The following KRTAP1-4 variants were observed in gnomAD, a reference collection of about 807,000 sequenced individuals.
KRTAP1-4 encodes the protein keratin associated protein 1-4, also known as keratin-associated protein 1-4.
KRTAP1-4 carries 5 observed loss-of-function variants against 8.6 expected under a neutral mutation model. The ratio of observed to expected loss-of-function variants is 0.58; its 90% confidence interval spans 0.30 to 1.23. The LOEUF is 1.23. Ranked by LOEUF, KRTAP1-4 falls within the 50% of genes most tolerant of loss-of-function variation. KRTAP1-4 has a pLI of 0.07. For missense variants in KRTAP1-4, 157 were observed against 160.7 expected, an observed-to-expected ratio of 0.98 and a Z score of 0.12; for synonymous variants, 50 against 58.9, an observed-to-expected ratio of 0.85 and a Z score of 0.69.
In KRTAP1-4 at chr17:41,029,823, A is replaced by G; in HGVS notation, c.256T>C (p.Ser86Pro). The G allele has an allele frequency of 1.2e-6, 2 of 1,611,552 alleles. No individual in the cohort carries two copies. Among genetic ancestry groups the G allele is most frequent in the Non-Finnish European group, 1.7e-6 (2 of 1,179,332 alleles). The part of the protein sequence containing the change: ...PCYLVSCTPP[S>P]CCQLHHAEAS... ...TCGGCGTGGTGCAGCTGGCAGCAGG[A>G]TGGGGGTGTGCAGCTTACCAGGTAG... The change falls in exon 1 of 1, where the codon TCC becomes CCC. Residue 86 changes from serine (S) to proline (P), a missense_variant. Ser to Pro is a moderately conservative substitution (Grantham distance 74). Coordinates refer to ENST00000377747, the MANE Select transcript of KRTAP1-4 (RefSeq NM_001257305.2).
rs2012400155 is a variant in KRTAP1-4 at position 41,029,426 on chromosome 17, G to A, written c.*287C>T. Among the ~76,000 whole-genome samples, 1 of 152,232 alleles carries A rather than the reference G, an allele frequency of 6.6e-6. No homozygotes were observed. Among genetic ancestry groups the A allele is most frequent in the Admixed American group, 6.5e-5 (1 of 15,286 alleles). ...GGAAAAACCAGGTCTGAAGATGCAT[G>A]AGCATCAAGAGAGAGTTGGGGGAGC... On this transcript the variant is annotated 3_prime_UTR_variant, in exon 1 of 1. Transcript: ENST00000377747.
In KRTAP1-4 at chr17:41,029,838, T is replaced by C. The variant is rs762200537; in HGVS notation, c.241A>G (p.Ser81Gly). The change falls in exon 1 of 1, where the codon AGC (serine) becomes GGC (glycine). Residue 81 changes from serine to glycine, a missense_variant. Transcript: ENST00000377747. ...TGGCAGCAGGATGGGGGTGTGCAGC[T>C]TACCAGGTAGCAGGGGGGCAGGCAG... is the stretch of plus-strand genomic sequence containing the variant. Reference protein sequence around the residue: ...GTCLPPCYLVSCTPPSCCQLH... With the variant: ...GTCLPPCYLVGCTPPSCCQLH... 45 of 1,610,864 alleles carry C rather than the reference T, an allele frequency of 2.8e-5. No individual in the cohort carries two copies. The highest frequency in any genetic ancestry group is 3.8e-5 in the Non-Finnish European group (45 of 1,179,056).
rs997546483 is a variant in KRTAP1-4, at chr17:41,030,054, T to A, written c.25A>T (p.Thr9Ser). Residue 9 changes from threonine to serine, a missense_variant, in exon 1 of 1, where the codon ACC becomes TCC. Thr to Ser is a moderately conservative substitution (Grantham distance 58). Coordinates refer to ENST00000377747, the MANE Select transcript of KRTAP1-4 (RefSeq NM_001257305.2). ...GGCTGGCAGCAGCTGGAGCCACAGG[T>A]CCCACTGGTGGAACAGCTGGCCATG... MASCSTSG[T>S]CGSSCCQPSC... The A allele has an allele frequency of 6.9e-6, 11 of 1,602,480 alleles. No homozygotes were observed. The Admixed American group carries it at 8.6e-5, about 13-fold the overall frequency.
In KRTAP1-4 at chr17:41,029,618, A is replaced by G; in HGVS notation, c.*95T>C. 6.9e-7 allele frequency: 1 copy of G among 1,439,776 alleles called. No individual in the cohort carries two copies. The highest frequency in any genetic ancestry group is 9.2e-7 in the Non-Finnish European group (1 of 1,089,132). 89.2% of individuals were successfully genotyped at this position (1,439,776 alleles called of 1,614,324 possible). ...CTGAGCAGCTTAACAACATCATGGT[A>G]CTTAGCATCCAAGTAAAATCGAACA... On this transcript the variant is annotated 3_prime_UTR_variant, in exon 1 of 1. Transcript: ENST00000377747.
In KRTAP1-4 at chr17:41,029,851, G is replaced by C. The variant is rs1185210325; in HGVS notation, c.228C>G (p.Pro76=). Residue 76 remains proline (P), a synonymous_variant, in exon 1 of 1, where the codon CCC becomes CCG. Transcript: ENST00000377747. ...GGGGTGTGCAGCTTACCAGGTAGCAGGGGGGCAGGCAGGTGCCCTCCACGT... is the reference window on the plus strand; with the variant it reads ...GGGGTGTGCAGCTTACCAGGTAGCACGGGGGCAGGCAGGTGCCCTCCACGT... ...DCHVEGTCLP[P]CYLVSCTPPS... The C allele has an allele frequency of 2.5e-6, 4 of 1,609,604 alleles. 1 individual carries two copies. In the South Asian group the frequency reaches 4.4e-5, roughly 18 times the overall value.
At position 41,029,661 on chromosome 17, in the gene KRTAP1-4, A is replaced by C; in HGVS notation, c.*52T>G. 1.4e-6 allele frequency: 2 copies of C among 1,479,350 alleles called. No homozygotes were observed. The highest frequency in any genetic ancestry group is 1.8e-6 in the Non-Finnish European group (2 of 1,114,166). 91.6% of individuals were successfully genotyped at this position (1,479,350 alleles called of 1,614,324 possible). On this transcript the variant is annotated 3_prime_UTR_variant, in exon 1 of 1. Coordinates refer to ENST00000377747, the MANE Select transcript of KRTAP1-4 (RefSeq NM_001257305.2). ...ATCGAACAGTTCTTCAGAAATCAGC[A>C]CAATTTTGCTGTGCTTCCCCTTTCA... is the stretch of plus-strand genomic sequence containing the variant.
At position 41,029,510 on chromosome 17, in the gene KRTAP1-4, G is replaced by A. The variant is rs142906765; in HGVS notation, c.*203C>T. On this transcript the variant is annotated 3_prime_UTR_variant, in exon 1 of 1. Coordinates refer to ENST00000377747, the MANE Select transcript of KRTAP1-4 (RefSeq NM_001257305.2). The stretch of plus-strand genomic sequence containing the variant: ...CTGGTCCTCTGCTCAAGCAACGCAA[G>A]CTATCCAGAACACTGATTGATACAT... 1.3e-5 allele frequency among the ~76,000 whole-genome samples: 2 copies of A among 152,356 alleles called. No individual in the cohort carries two copies. The highest frequency in any genetic ancestry group is 4.8e-5 in the African/African-American group (2 of 41,584).
chr17:41,030,064 G>A lies in KRTAP1-4; in HGVS notation c.15C>T (p.Ser5=). 6.3e-7 allele frequency: 1 copy of A among 1,595,462 alleles called. No individual in the cohort carries two copies. The highest frequency in any genetic ancestry group is 8.5e-7 in the Non-Finnish European group (1 of 1,170,770). ...AGCTGGAGCCACAGGTCCCACTGGT[G>A]GAACAGCTGGCCATGGTGTCAGGAG... MASC[S]TSGTCGSSCC... is the part of the protein sequence containing the mutation. The change falls in exon 1 of 1, where the codon TCC becomes TCT. Residue 5 remains serine (S), a synonymous_variant. Transcript: ENST00000377747.
rs16968916 is a variant in KRTAP1-4, at chr17:41,029,613, A to G, written c.*100T>C. ...TATCTCTGAGCAGCTTAACAACATCATGGTACTTAGCATCCAAGTAAAATC... is the reference window on the plus strand; with the variant it reads ...TATCTCTGAGCAGCTTAACAACATCGTGGTACTTAGCATCCAAGTAAAATC... On this transcript the variant is annotated 3_prime_UTR_variant, in exon 1 of 1. Coordinates refer to ENST00000377747, the MANE Select transcript of KRTAP1-4 (RefSeq NM_001257305.2). 35 of 1,436,958 alleles carry G rather than the reference A, an allele frequency of 2.4e-5. No homozygotes were observed. Among genetic ancestry groups the G allele is most frequent in the Non-Finnish European group, 3.1e-5 (34 of 1,087,192 alleles). The allele number at this position is 1,436,958 out of a possible 1,614,324, so 89.0% of individuals were successfully genotyped here.
rs1266755051 is a variant in KRTAP1-4, at chr17:41,029,647, C to A, written c.*66G>T. ...AGCATCCAAGTAAAATCGAACAGTTCTTCAGAAATCAGCACAATTTTGCTG... is the reference window on the plus strand; with the variant it reads ...AGCATCCAAGTAAAATCGAACAGTTATTCAGAAATCAGCACAATTTTGCTG... On this transcript the variant is annotated 3_prime_UTR_variant, in exon 1 of 1. Coordinates refer to ENST00000377747, the MANE Select transcript of KRTAP1-4 (RefSeq NM_001257305.2). The A allele has an allele frequency of 5.5e-6, 8 of 1,464,954 alleles. No homozygotes were observed. Among genetic ancestry groups the A allele is most frequent in the Non-Finnish European group, 7.2e-6 (8 of 1,106,456 alleles). The allele number at this position is 1,464,954 out of a possible 1,614,324, so 90.7% of individuals were successfully genotyped here.
In KRTAP1-4 at chr17:41,029,665, T is replaced by C. The variant is rs1285687629; in HGVS notation, c.*48A>G. 1.3e-6 allele frequency: 2 copies of C among 1,484,680 alleles called. No homozygotes were observed. The highest frequency in any genetic ancestry group is 1.8e-6 in the Non-Finnish European group (2 of 1,117,018). 92.0% of individuals were successfully genotyped at this position (1,484,680 alleles called of 1,614,324 possible). On this transcript the variant is annotated 3_prime_UTR_variant, in exon 1 of 1. Transcript: ENST00000377747. ...AACAGTTCTTCAGAAATCAGCACAATTTTGCTGTGCTTCCCCTTTCATTCT... is the reference window on the plus strand; with the variant it reads ...AACAGTTCTTCAGAAATCAGCACAACTTTGCTGTGCTTCCCCTTTCATTCT...
Position 41,029,739 on chromosome 17 carries a change from A to AGCAGCAGGCTGGGCG in KRTAP1-4, c.325_339dup (p.Arg109_Cys113dup), listed in dbSNP as rs2012407276. On this transcript the variant is annotated inframe_insertion, in exon 1 of 1. Coordinates refer to ENST00000377747, the MANE Select transcript of KRTAP1-4 (RefSeq NM_001257305.2). ...TAGCAGGTGGGCTCACAGCAGTGGC[A>AGCAGCAGGCTGGGCG]GCAGCAGGCTGGGCGGCAGCAGGAC... 6.4e-7 allele frequency: 1 copy of AGCAGCAGGCTGGGCG among 1,568,348 alleles called. No homozygotes were observed. Among genetic ancestry groups the AGCAGCAGGCTGGGCG allele is most frequent in the Non-Finnish European group, 8.7e-7 (1 of 1,154,992 alleles).
chr17:41,030,155 G>C lies in KRTAP1-4; in HGVS notation c.-77C>G. ...GCTGTACCTTCTATATCTGTCCTTTGATATGTTCCCTAGAGCTGCATATTT... is the reference window on the plus strand; with the variant it reads ...GCTGTACCTTCTATATCTGTCCTTTCATATGTTCCCTAGAGCTGCATATTT... On this transcript the variant is annotated 5_prime_UTR_variant, in exon 1 of 1. In the 5' UTR this introduces an upstream ATG that the reference lacks. Transcript: ENST00000377747. The C allele has an allele frequency of 6.5e-7, 1 of 1,531,458 alleles. No individual in the cohort carries two copies. Among genetic ancestry groups the C allele is most frequent in the South Asian group, 1.2e-5 (1 of 81,894 alleles). The allele number at this position is 1,531,458 out of a possible 1,614,324, so 94.9% of individuals were successfully genotyped here.
At position 41,029,597 on chromosome 17, in the gene KRTAP1-4, G is replaced by T; in HGVS notation, c.*116C>A. 7.2e-7 allele frequency: 1 copy of T among 1,395,588 alleles called. No individual in the cohort carries two copies. Among genetic ancestry groups the T allele is most frequent in the South Asian group, 1.6e-5 (1 of 64,012 alleles). 86.5% of individuals were successfully genotyped at this position (1,395,588 alleles called of 1,614,324 possible). ...TAACTAGGAGTTTCATTATCTCTGA[G>T]CAGCTTAACAACATCATGGTACTTA... On this transcript the variant is annotated 3_prime_UTR_variant, in exon 1 of 1. Transcript: ENST00000377747.
Position 41,030,111 on chromosome 17 carries a change from G to T in KRTAP1-4, c.-33C>A. 1 of 1,559,284 alleles carries T rather than the reference G, an allele frequency of 6.4e-7. No individual in the cohort carries two copies. Among genetic ancestry groups the T allele is most frequent in the South Asian group, 1.2e-5 (1 of 84,756 alleles). On this transcript the variant is annotated 5_prime_UTR_variant, in exon 1 of 1. Coordinates refer to ENST00000377747, the MANE Select transcript of KRTAP1-4 (RefSeq NM_001257305.2). The stretch of plus-strand genomic sequence containing the variant: ...GGAGTTGGGTTGAGAGCTGTGTTAA[G>T]AGAGGTTTCTGAGTTTGGGCTGTAC...
Position 41,029,714 on chromosome 17 carries a change from TAGCAGGTGGGCTCACAGCAGTGGC to T in KRTAP1-4, c.341_364del (p.Cys114_Cys121del), listed in dbSNP as rs1346912162. 6 of 1,535,822 alleles carry T rather than the reference TAGCAGGTGGGCTCACAGCAGTGGC, an allele frequency of 3.9e-6. No individual in the cohort carries two copies. Among genetic ancestry groups the T allele is most frequent in the Non-Finnish European group, 4.4e-6 (5 of 1,140,986 alleles). ...CTTAAGCGATCAGCAACCTGGCTTT[TAGCAGGTGGGCTCACAGCAGTGGC>T]AGCAGCAGGCTGGGCGGCAGCAGGA... On this transcript the variant is annotated inframe_deletion, in exon 1 of 1. Coordinates refer to ENST00000377747, the MANE Select transcript of KRTAP1-4 (RefSeq NM_001257305.2).
Position 41,030,001 on chromosome 17 carries a change from C to A in KRTAP1-4, c.78G>T (p.Gln26His). Residue 26 changes from glutamine (Q) to histidine (H), a missense_variant, in exon 1 of 1, where the codon CAG becomes CAT. By Grantham distance (24) the Gln-to-His change is conservative. Coordinates refer to ENST00000377747, the MANE Select transcript of KRTAP1-4 (RefSeq NM_001257305.2). Reference protein sequence around the residue: ...QPSCCETSCCQPSCCQTSSCG... With the variant: ...QPSCCETSCCHPSCCQTSSCG... Reference sequence around the variant, plus strand: ...AGGAGCTGGTCTGGCAGCAGCTTGGCTGGCAGCAGCTAGTTTCACAGCAGC... The same window carrying A: ...AGGAGCTGGTCTGGCAGCAGCTTGGATGGCAGCAGCTAGTTTCACAGCAGC... 1.2e-6 allele frequency: 2 copies of A among 1,610,368 alleles called. No individual in the cohort carries two copies. The highest frequency in any genetic ancestry group is 1.7e-6 in the Non-Finnish European group (2 of 1,178,622).
chr17:41,029,825 G>A lies in KRTAP1-4; in HGVS notation c.254C>T (p.Pro85Leu), dbSNP rs2012411197. The A allele has an allele frequency of 1.2e-6, 2 of 1,611,442 alleles. No homozygotes were observed. Among genetic ancestry groups the A allele is most frequent in the Non-Finnish European group, 1.7e-6 (2 of 1,179,238 alleles). ...GGCGTGGTGCAGCTGGCAGCAGGAT[G>A]GGGGTGTGCAGCTTACCAGGTAGCA... The part of the protein sequence containing the change: ...PPCYLVSCTP[P>L]SCCQLHHAEA... Residue 85 changes from proline (P) to leucine (L), a missense_variant, in exon 1 of 1, where the codon CCA becomes CTA. By Grantham distance (98) the Pro-to-Leu change is moderately conservative (BLOSUM62 -3). Transcript: ENST00000377747.
rs749124250 is a variant in KRTAP1-4 at position 41,029,945 on chromosome 17, A to C, written c.134T>G (p.Ile45Ser). The part of the protein sequence containing the change: ...CGTGCGIGGG[I>S]GYGQEGSGGS... ...ACCGCTGCCCTCCTGGCCATAGCCA[A>C]TGCCACCACCAATGCCACAGCCGGT... Residue 45 changes from isoleucine to serine, a missense_variant, in exon 1 of 1, where the codon ATT becomes AGT. By Grantham distance (142) the Ile-to-Ser change is moderately radical. Coordinates refer to ENST00000377747, the MANE Select transcript of KRTAP1-4 (RefSeq NM_001257305.2). The C allele has an allele frequency of 6.2e-7, 1 of 1,609,916 alleles. No homozygotes were observed. The highest frequency in any genetic ancestry group is 8.5e-7 in the Non-Finnish European group (1 of 1,178,920).
Sources: gnomAD v4.1 joint callset for allele counts (sites outside exome capture counted in the v4.1 genomes callset) on GRCh38, gnomAD v4.1.1 for gene constraint, MANE v1.5 for transcripts, NCBI Gene and HGNC (gene_info 2026-07-23, HGNC 2026-07-21) for gene names.